Variants in TMEM132D observed in about 807,000 individuals in gnomAD.
The protein encoded by TMEM132D is transmembrane protein 132D.
Under a neutral mutation model 62.3 loss-of-function variants are expected in TMEM132D, and 21 were observed. The ratio of observed to expected loss-of-function variants is 0.34; its 90% CI spans 0.24 to 0.49. TMEM132D has a LOEUF of 0.49. TMEM132D is among the 20% of genes least tolerant of loss of function. The pLI is 0.99. For synonymous variants in TMEM132D, 621 were observed against 575.6 expected (o/e 1.08, Z -1.13); for missense variants, 1,346 against 1,402.8 (o/e 0.96, Z 0.65).
rs1446271641 is a variant in TMEM132D, at chr12:129,761,859, G to A, written c.80-61161C>T. Among the ~76,000 whole-genome samples, 5 of 152,148 alleles carry A rather than the reference G, an allele frequency of 3.3e-5. No homozygotes were observed. In the East Asian group the frequency reaches 9.7e-4, roughly 29 times the overall value. On this transcript the variant is annotated intron_variant, in intron 1 of 8. Coordinates refer to ENST00000422113, the MANE Select transcript of TMEM132D (RefSeq NM_133448.3). Reference sequence around the variant, plus strand: ...CTGCAAGATCTCAGCCAAGTCACCAGATTGTTTAATTCTCCTGACCAGCAG... The same window carrying A: ...CTGCAAGATCTCAGCCAAGTCACCAAATTGTTTAATTCTCCTGACCAGCAG...
rs1487740647 is a variant in TMEM132D at position 129,561,480 on chromosome 12, T to TA, written c.969-30276dup. Reference sequence around the variant, plus strand: ...TCAGAGTTTCTTCATGTCACACTAATAGTTTCACTGATTGAAAATCCACAG... The same window carrying TA: ...TCAGAGTTTCTTCATGTCACACTAATAAGTTTCACTGATTGAAAATCCACAG... On this transcript the variant is annotated intron_variant, in intron 2 of 8. Coordinates refer to ENST00000422113, the MANE Select transcript of TMEM132D (RefSeq NM_133448.3). Among the ~76,000 whole-genome samples, 17 of 152,340 alleles carry TA rather than the reference T, an allele frequency of 1.1e-4. No individual in the cohort carries two copies. In the South Asian group the frequency reaches 1.5e-3, roughly 13 times the overall value.
intron 2 of TMEM132D, among the ~76,000 whole-genome samples, chr12:129,625,438 T>G (rs1879187884): frequency 6.6e-6 from 1 of 152,250 alleles, no homozygotes; most frequent in African/African-American, 2.4e-5. Flanking sequence ...AGGTTTGTTT[T>G]CATCATTTCC....
chr12:129,903,575 C>T lies in TMEM132D; in HGVS notation c.-236G>A. On this transcript the variant is annotated 5_prime_UTR_variant, in exon 1 of 9. Transcript: ENST00000422113. This position sits in a 1 kb window ranked among gnomAD's most constrained non-coding sequence, Gnocchi z 6.2. ...GGAGTCCAACACGCGCGCAGGCAAA[C>T]CCCACCTCCCTCCTTCGACCCCAAC... 5.4e-6 allele frequency: 3 copies of T among 557,238 alleles called. No homozygotes were observed. Among genetic ancestry groups the T allele is most frequent in the Non-Finnish European group, 9.6e-6 (3 of 313,562 alleles). The allele number at this position is 557,238 out of a possible 1,614,324, so 34.5% of individuals were successfully genotyped here. A position where few individuals can be genotyped will look rare whatever the true frequency, so the allele number is the denominator to read the frequency against.
chr12:129,518,089 T>C lies in TMEM132D; in HGVS notation c.1115+12970A>G, dbSNP rs542683907. On this transcript the variant is annotated intron_variant, in intron 3 of 8. Coordinates refer to ENST00000422113, the MANE Select transcript of TMEM132D (RefSeq NM_133448.3). ...GCAATAACTTTCAAAGAAAGTTTTT[T>C]CCCCCCTAAGGAGGATAAACAATTT... Among the ~76,000 whole-genome samples the C allele has an allele frequency of 1.4e-4, 21 of 152,242 alleles. No individual in the cohort carries two copies. The East Asian group carries it at 3.7e-3, about 27-fold the overall frequency.
chr12:129,351,184 C>A (rs1869850208), intron 3 of TMEM132D, among the ~76,000 whole-genome samples: 1 of 152,140 alleles, frequency 6.6e-6, no homozygotes, highest in Non-Finnish European at 1.5e-5. Context: ...TACCTTATAA[C>A]TGGACTGGAA....
intron 4 of TMEM132D, among the ~76,000 whole-genome samples, chr12:129,212,843 G>A (rs201477174): frequency 6.8e-6 from 1 of 147,368 alleles, no homozygotes; most frequent in Admixed American, 6.8e-5. Flanking sequence ...GCACTGAGAA[G>A]GTATCACCAT....
chr12:129,644,855 G>A (rs529049859), intron 2 of TMEM132D, among the ~76,000 whole-genome samples: 5 of 150,418 alleles, frequency 3.3e-5, no homozygotes, highest in South Asian at 2.1e-4. Flanking sequence ...GCGTCGTGGC[G>A]GGTGCCTGTA....
At chr12:129,828,828 G>A (rs183192393) in intron 1 of TMEM132D, among the ~76,000 whole-genome samples, 1 of 142,418 alleles carries the variant, frequency 7.0e-6, no homozygotes, top group East Asian at 2.2e-4. Context: ...AAAAGGGAGG[G>A]AGAAGAGAAG....
chr12:129,649,711 C>A (rs527453353), intron 2 of TMEM132D, among the ~76,000 whole-genome samples: 1 of 151,844 alleles, frequency 6.6e-6, no homozygotes, highest in South Asian at 2.1e-4. Flanking sequence ...GGTATATATA[C>A]ATGCATAATC....
chr12:129,237,941 G>A (rs1202246877), intron 4 of TMEM132D, among the ~76,000 whole-genome samples: 6 of 152,186 alleles, frequency 3.9e-5, no homozygotes, highest in Non-Finnish European at 7.3e-5. Context: ...GTTCAACGGA[G>A]TATTCTAAAT....
chr12:129,575,754 A>ATTTTT lies in TMEM132D; in HGVS notation c.969-44554_969-44550dup, dbSNP rs71082736. Among the ~76,000 whole-genome samples the ATTTTT allele has an allele frequency of 2.1e-4, 3 of 13,972 alleles. 1 individual carries two copies. The highest frequency in any genetic ancestry group is 1.0e-3 in the African/African-American group (3 of 2,930). The allele number at this position is 13,972 out of a possible 152,430, so 9.2% of individuals were successfully genotyped here. ...TTCAATTATGTCTGCAGATAGATAC[A>ATTTTT]TTTTTTTTTTTTTTTTTTTTTTTTT... On this transcript the variant is annotated intron_variant, in intron 2 of 8. Coordinates refer to ENST00000422113, the MANE Select transcript of TMEM132D (RefSeq NM_133448.3).
At chr12:129,397,917 T>C (rs11838176) in intron 3 of TMEM132D, among the ~76,000 whole-genome samples, 12,134 of 152,230 alleles carry the variant, frequency 0.08, 1,143 homozygotes, top group African/African-American at 0.24. Flanking sequence ...CCTTTGCAAC[T>C]AGGGACTTTT....
At chr12:129,135,800 T>C (rs1876540586) in intron 5 of TMEM132D, among the ~76,000 whole-genome samples, 1 of 152,196 alleles carries the variant, frequency 6.6e-6, no homozygotes, top group South Asian at 2.1e-4. Context: ...TTGGTGTTCC[T>C]TGGCTGATAG....
chr12:129,539,998 C>T (rs1048015491), intron 2 of TMEM132D, among the ~76,000 whole-genome samples: 1 of 152,158 alleles, frequency 6.6e-6, no homozygotes, highest in Non-Finnish European at 1.5e-5. Flanking sequence ...CTTTGGGGAC[C>T]TCCTGTCTCT....
chr12:129,807,049 G>T (rs992037800), intron 1 of TMEM132D, among the ~76,000 whole-genome samples: 1 of 151,962 alleles, frequency 6.6e-6, no homozygotes, highest in Non-Finnish European at 1.5e-5. Flanking sequence ...ATGAATGAAT[G>T]AATAAATAAA....
At chr12:129,678,134 TTAAGTA>T (rs1565945983) in intron 2 of TMEM132D, among the ~76,000 whole-genome samples, 1 of 152,146 alleles carries the variant, frequency 6.6e-6, no homozygotes, top group South Asian at 2.1e-4. Context: ...CTACGAATAT[TTAAGTA>T]TATCTTTTGG....
intron 1 of TMEM132D, among the ~76,000 whole-genome samples, chr12:129,834,520 T>C (rs2137337413): frequency 7.0e-6 from 1 of 142,730 alleles, no homozygotes; most frequent in Non-Finnish European, 1.5e-5. Flanking sequence ...GAAAGATGAA[T>C]GGTCTTTTGA....
At chr12:129,324,043 C>T (rs1868814932) in intron 4 of TMEM132D, among the ~76,000 whole-genome samples, 1 of 151,814 alleles carries the variant, frequency 6.6e-6, no homozygotes, top group South Asian at 2.1e-4. Flanking sequence ...TTTTTTCAAA[C>T]TTCATGTGTT....
intron 4 of TMEM132D, among the ~76,000 whole-genome samples, chr12:129,331,609 C>T (rs559241342): frequency 2.6e-5 from 4 of 152,308 alleles, no homozygotes; most frequent in East Asian, 1.9e-4. Flanking sequence ...GCACTTACAA[C>T]GGTAACCACA....
Sources: allele counts gnomAD v4.1 joint callset (sites outside exome capture counted in the v4.1 genomes callset), GRCh38; gene constraint gnomAD v4.1.1; non-coding constraint Gnocchi (gnomAD v3.1); transcripts MANE v1.5; gene names NCBI Gene and HGNC (gene_info 2026-07-23, HGNC 2026-07-21).